The following GOLPH3L variants were observed in gnomAD, a reference collection of about 807,000 sequenced individuals.
GOLPH3L encodes the protein golgi phosphoprotein 3 like.
In GOLPH3L, 22 loss-of-function variants were observed where a neutral mutation model predicts 30.3. The ratio of observed to expected loss-of-function variants is 0.73; its 90% CI spans 0.52 to 1.04. GOLPH3L has a LOEUF of 1.04. Among genes scored for constraint, GOLPH3L ranks in the 50% least tolerant of loss-of-function variants. The probability of loss-of-function intolerance (pLI) is 0.00; values close to 1 mark genes in which losing one functional copy is unlikely to be tolerated. For synonymous variants in GOLPH3L, 120 were observed against 128.2 expected, an observed-to-expected ratio of 0.94 and a Z score of 0.43; for missense variants, 303 against 345.8, an observed-to-expected ratio of 0.88 and a Z score of 0.98.
At chr1:150,681,759 C>G (rs982303288) in intron 2 of GOLPH3L, among the ~76,000 whole-genome samples, 1 of 152,110 alleles carries the variant, frequency 6.6e-6, no homozygotes, top group Non-Finnish European at 1.5e-5. Context: ...TGATTATAAT[C>G]AATTTTTTGG....
intron 2 of GOLPH3L, among the ~76,000 whole-genome samples, chr1:150,689,395 G>C (rs1369647777): frequency 6.6e-6 from 1 of 152,180 alleles, no homozygotes; most frequent in African/African-American, 2.4e-5. Context: ...CACTGTTCAT[G>C]AGTTAATAAT....
In GOLPH3L at chr1:150,648,168, G is replaced by T; in HGVS notation, c.*153C>A. The T allele has an allele frequency of 1.7e-6, 1 of 603,288 alleles. No individual in the cohort carries two copies. The allele number at this position is 603,288 out of a possible 1,614,324, so 37.4% of individuals were successfully genotyped here. A position where few individuals can be genotyped will look rare whatever the true frequency, so the allele number is the denominator to read the frequency against. On this transcript the variant is annotated 3_prime_UTR_variant, in exon 5 of 5. Transcript: ENST00000271732. ...TCTGCTTATAATGGTCAAGGTCTAT[G>T]GAGAAGCCCTGAAGTTGCTCTCCCC...
In GOLPH3L at chr1:150,688,588, C is replaced by T. The variant is rs587770298; in HGVS notation, c.183+6068G>A. Among the ~76,000 whole-genome samples, 170 of 152,042 alleles carry T rather than the reference C, an allele frequency of 1.1e-3. 1 individual carries two copies. The highest frequency in any genetic ancestry group is 3.7e-3 in the African/African-American group (154 of 41,478). On this transcript the variant is annotated intron_variant, in intron 2 of 4. Transcript: ENST00000271732. Reference sequence around the variant, plus strand: ...CCAACATGGTGAAACCCCGTCTCTACAAAAATACAAAAATTAGCCGGGGAT... The same window carrying T: ...CCAACATGGTGAAACCCCGTCTCTATAAAAATACAAAAATTAGCCGGGGAT...
chr1:150,655,610 C>A (rs951855839), intron 4 of GOLPH3L, among the ~76,000 whole-genome samples: 1 of 152,110 alleles, frequency 6.6e-6, no homozygotes, highest in African/African-American at 2.4e-5. Flanking sequence ...AGAGCCTATA[C>A]CTTTAAAATG....
At chr1:150,670,029 C>T (rs1557784497) in intron 2 of GOLPH3L, among the ~76,000 whole-genome samples, 1 of 147,506 alleles carries the variant, frequency 6.8e-6, no homozygotes, top group Non-Finnish European at 1.5e-5. Flanking sequence ...GGGAGGCTGA[C>T]GTGGGTGGAT....
chr1:150,651,642 C>CAAAAAAAA (rs59940841), intron 4 of GOLPH3L, among the ~76,000 whole-genome samples: 11 of 60,828 alleles, frequency 1.8e-4, no homozygotes, highest in Middle Eastern at 0.015. Flanking sequence ...GAGCGAAACT[C>CAAAAAAAA]AAAAAAAAAA....
chr1:150,697,006 G>C lies in GOLPH3L; in HGVS notation c.-27C>G, dbSNP rs1472038371. On this transcript the variant is annotated 5_prime_UTR_variant, in exon 1 of 5. Transcript: ENST00000271732. ...TCGTTGCTTACCTGATGTTACTCCT[G>C]GGTTATGGCTGGACGCAGGCTGTAG... 1 of 152,046 alleles carries C rather than the reference G, an allele frequency of 6.6e-6. No individual in the cohort carries two copies. Among genetic ancestry groups the C allele is most frequent in the Non-Finnish European group, 1.5e-5 (1 of 68,008 alleles). 9.4% of individuals were successfully genotyped at this position (152,046 alleles called of 1,614,324 possible).
intron 2 of GOLPH3L, among the ~76,000 whole-genome samples, chr1:150,676,707 G>A (rs1161625623): frequency 2.7e-5 from 4 of 147,926 alleles, no homozygotes; most frequent in African/African-American, 7.5e-5. Context: ...GCAATGGCTC[G>A]ATCTTGGCTC....
intron 2 of GOLPH3L, among the ~76,000 whole-genome samples, chr1:150,684,383 T>C (rs954112143): frequency 6.6e-5 from 10 of 152,196 alleles, no homozygotes; most frequent in African/African-American, 2.4e-4. Context: ...GGTCTCACTA[T>C]GTTGCCTAGG....
chr1:150,659,983 G>A (rs750460135), intron 4 of GOLPH3L, among the ~76,000 whole-genome samples: 1 of 152,008 alleles, frequency 6.6e-6, no homozygotes, highest in Non-Finnish European at 1.5e-5. Context: ...GCAGTGAGCC[G>A]AGATTGCACC....
intron 4 of GOLPH3L, among the ~76,000 whole-genome samples, chr1:150,654,103 T>A (rs1650187479): frequency 6.6e-6 from 1 of 151,668 alleles, no homozygotes; most frequent in Non-Finnish European, 1.5e-5. Flanking sequence ...AAAAAATGGA[T>A]AAAGACAGGA....
intron 2 of GOLPH3L, among the ~76,000 whole-genome samples, chr1:150,693,460 C>G (rs1651256355): frequency 6.6e-6 from 1 of 152,042 alleles, no homozygotes; most frequent in East Asian, 1.9e-4. Context: ...AAATATACCT[C>G]TTTCTTTTCT....
Position 150,694,258 on chromosome 1 carries a change from C to T in GOLPH3L, c.183+398G>A, listed in dbSNP as rs887323364. Reference sequence around the variant, plus strand: ...TGTTTATTTCTGTAAGGCAACTAATCACACATGTTCCTTGTCTTTTCATGT... The same window carrying T: ...TGTTTATTTCTGTAAGGCAACTAATTACACATGTTCCTTGTCTTTTCATGT... On this transcript the variant is annotated intron_variant, in intron 2 of 4. Coordinates refer to ENST00000271732, the MANE Select transcript of GOLPH3L (RefSeq NM_018178.6). The T allele has an allele frequency of 1.5e-5, 5 of 332,442 alleles. No individual in the cohort carries two copies. The Admixed American group carries it at 1.9e-4, about 12-fold the overall frequency. 20.6% of individuals were successfully genotyped at this position (332,442 alleles called of 1,614,324 possible). A position where few individuals can be genotyped will look rare whatever the true frequency, so the allele number is the denominator to read the frequency against.
intron 2 of GOLPH3L, among the ~76,000 whole-genome samples, chr1:150,690,018 A>C: frequency 6.6e-6 from 1 of 151,328 alleles, no homozygotes. Flanking sequence ...ACAGGGTCTC[A>C]CTCTGTCACC....
rs1240651477 is a variant in GOLPH3L, at chr1:150,646,988, A to G, written c.*1333T>C. The stretch of plus-strand genomic sequence containing the variant: ...ACGTGTTAGAGATTTGGCCAGAAAG[A>G]TGGTTTTACTGAAATAAGACTGATG... On this transcript the variant is annotated 3_prime_UTR_variant, in exon 5 of 5. Transcript: ENST00000271732. 1 of 152,214 alleles carries G rather than the reference A, an allele frequency of 6.6e-6. No individual in the cohort carries two copies. Among genetic ancestry groups the G allele is most frequent in the Non-Finnish European group, 1.5e-5 (1 of 68,040 alleles). The allele number at this position is 152,214 out of a possible 1,614,324, so 9.4% of individuals were successfully genotyped here. A position where few individuals can be genotyped will look rare whatever the true frequency, so the allele number is the denominator to read the frequency against.
intron 2 of GOLPH3L, among the ~76,000 whole-genome samples, chr1:150,673,300 A>C (rs1207120454): frequency 6.6e-6 from 1 of 152,160 alleles, no homozygotes; most frequent in East Asian, 1.9e-4. Context: ...GCGGTGGCTC[A>C]TGCCTGTAAT....
chr1:150,659,283 A>G (rs915973924), intron 4 of GOLPH3L, among the ~76,000 whole-genome samples: 15 of 152,216 alleles, frequency 9.9e-5, no homozygotes, highest in Non-Finnish European at 1.8e-4. Context: ...CTGGCCATAA[A>G]CAAAATCTCT....
intron 4 of GOLPH3L, among the ~76,000 whole-genome samples, chr1:150,655,819 T>G (rs1427262711): frequency 6.6e-6 from 1 of 152,240 alleles, no homozygotes; most frequent in Non-Finnish European, 1.5e-5. Context: ...ATCAATTCAG[T>G]TATACAACCT....
chr1:150,666,506 G>C (rs758488725), intron 2 of GOLPH3L, among the ~76,000 whole-genome samples: 19 of 152,084 alleles, frequency 1.2e-4, no homozygotes, highest in African/African-American at 4.6e-4. Context: ...CACCACGCCT[G>C]GCTAATTTTT....
Sources: allele counts gnomAD v4.1 joint callset (sites outside exome capture counted in the v4.1 genomes callset), GRCh38; gene constraint gnomAD v4.1.1; transcripts MANE v1.5; gene names NCBI Gene and HGNC (gene_info 2026-07-23, HGNC 2026-07-21).